Variants in PPP2R2D observed in about 807,000 individuals in gnomAD.
PPP2R2D encodes the protein serine/threonine-protein phosphatase 2A 55 kDa regulatory subunit B delta isoform.
PPP2R2D carries 9 observed loss-of-function variants against 31.1 expected under a neutral mutation model. The ratio of observed to expected loss-of-function variants is 0.29; its 90% CI spans 0.17 to 0.51. The LOEUF is 0.51. PPP2R2D is among the 20% of genes least tolerant of loss of function. PPP2R2D has a pLI of 0.98. For synonymous variants in PPP2R2D, 179 were observed against 172.6 expected (o/e 1.04, Z -0.29); for missense variants, 391 against 465.6 (o/e 0.84, Z 1.48).
At chr10:131,922,248 C>T (rs1473997606) in intron 2 of PPP2R2D, among the ~76,000 whole-genome samples, 3 of 152,092 alleles carry the variant, frequency 2.0e-5, no homozygotes, top group Non-Finnish European at 4.4e-5. Context: ...ACTGTGAGAA[C>T]TAAAGTGGCC....
At chr10:131,904,712 C>T (rs2035555081) in intron 2 of PPP2R2D, among the ~76,000 whole-genome samples, 1 of 152,202 alleles carries the variant, frequency 6.6e-6, no homozygotes, top group Non-Finnish European at 1.5e-5. Context: ...TTTCTGCCCT[C>T]TCTGCAATGG....
chr10:131,903,233 A>G (rs1317621230), intron 2 of PPP2R2D, among the ~76,000 whole-genome samples: 1 of 152,096 alleles, frequency 6.6e-6, no homozygotes, highest in Non-Finnish European at 1.5e-5. Context: ...TTGGGAGGCC[A>G]AGGTGGACAG....
intron 2 of PPP2R2D, among the ~76,000 whole-genome samples, chr10:131,928,401 A>G (rs1381780165): frequency 3.3e-5 from 5 of 152,222 alleles, no homozygotes; most frequent in African/African-American, 1.2e-4. Context: ...CCTGCGGGAA[A>G]CTTTCACATC....
chr10:131,940,460 A>G (rs980004349), intron 4 of PPP2R2D, 122 bp from the exon 5 acceptor site: 13 of 613,122 alleles, frequency 2.1e-5, no homozygotes, highest in Non-Finnish European at 3.5e-5. Flanking sequence ...ATTCATGTTC[A>G]GAGACCCCAT....
Position 131,945,002 on chromosome 10 carries a change from A to G in PPP2R2D, c.656-293A>G, listed in dbSNP as rs567830291. On this transcript the variant is annotated intron_variant, in intron 6 of 8. Transcript: ENST00000455566. This position sits in a 1 kb window ranked among gnomAD's most constrained non-coding sequence, Gnocchi z 4.8. Reference sequence around the variant, plus strand: ...CTATTTATATGATTAAGTATGTACTATCTTGCTATTAAGGGCTTTCTGTAT... The same window carrying G: ...CTATTTATATGATTAAGTATGTACTGTCTTGCTATTAAGGGCTTTCTGTAT... Among the ~76,000 whole-genome samples, 24 of 152,272 alleles carry G rather than the reference A, an allele frequency of 1.6e-4. No homozygotes were observed. The highest frequency in any genetic ancestry group is 4.2e-4 in the South Asian group (2 of 4,812).
chr10:131,944,308 C>G (rs750571886), intron 6 of PPP2R2D, among the ~76,000 whole-genome samples, 163 bp downstream of exon 6: 1 of 152,126 alleles, frequency 6.6e-6, no homozygotes, highest in Non-Finnish European at 1.5e-5. Context: ...AATGTTTGTC[C>G]CTAAAAATAC....
rs1240588853 is a variant in PPP2R2D at position 131,952,622 on chromosome 10, C to CG, written c.1083-3056dup. ...ACTGTCTTAGTGACTTGCGGGTGTG[C>CG]GGGGGGTTCACTGTCTTAGTGACTT... On this transcript the variant is annotated intron_variant, in intron 8 of 8. Coordinates refer to ENST00000455566, the MANE Select transcript of PPP2R2D (RefSeq NM_018461.5). 1.5e-3 allele frequency among the ~76,000 whole-genome samples: 22 copies of CG among 14,846 alleles called. 2 individuals are homozygous for CG. The highest frequency in any genetic ancestry group is 4.7e-3 in the Admixed American group (4 of 846). The allele number at this position is 14,846 out of a possible 152,430, so 9.7% of individuals were successfully genotyped here.
rs2036824813 is a variant in PPP2R2D at position 131,957,528 on chromosome 10, GT to G, written c.*1566del. 5.2e-6 allele frequency: 1 copy of G among 192,938 alleles called. No homozygotes were observed. Among genetic ancestry groups the G allele is most frequent in the African/African-American group, 2.4e-5 (1 of 41,332 alleles). The allele number at this position is 192,938 out of a possible 1,614,324, so 12.0% of individuals were successfully genotyped here. ...CCCCCGTCCCCCTGTGGAGATGAAG[GT>G]GTGTGCTGATCCCCCGTGCCCCTGT... On this transcript the variant is annotated 3_prime_UTR_variant, in exon 9 of 9. Coordinates refer to ENST00000455566, the MANE Select transcript of PPP2R2D (RefSeq NM_018461.5).
chr10:131,971,241 G>C, the PPP2R2D span: 16 of 462,278 alleles, frequency 3.5e-5, no homozygotes, highest in East Asian at 6.9e-4. Flanking sequence ...TTGGTTCACT[G>C]TGAGATTCTG....
chr10:131,912,011 G>A (rs2035692806), intron 2 of PPP2R2D: 1 of 152,164 alleles, frequency 6.6e-6, no homozygotes, highest in Non-Finnish European at 1.5e-5. Context: ...GTCTTCCTCA[G>A]GACCCACTGC....
chr10:131,941,638 C>T (rs1433872644), intron 5 of PPP2R2D, among the ~76,000 whole-genome samples: 1 of 152,180 alleles, frequency 6.6e-6, no homozygotes, highest in Non-Finnish European at 1.5e-5. Context: ...CAAGTGAAGA[C>T]TGAGTGAGTG....
At chr10:131,966,119 T>A in the PPP2R2D span, among the ~76,000 whole-genome samples, 1 of 152,234 alleles carries the variant, frequency 6.6e-6, no homozygotes, top group Non-Finnish European at 1.5e-5. Context: ...GATGCATGGC[T>A]GGAGTTTTTT....
chr10:131,920,332 GAC>G (rs1564813342), intron 2 of PPP2R2D, among the ~76,000 whole-genome samples: 1 of 148,710 alleles, frequency 6.7e-6, no homozygotes, highest in African/African-American at 2.5e-5. Flanking sequence ...CGGGTGGAGT[GAC>G]ACAGTGTAGG....
At chr10:131,902,707 G>A (rs1411641014) in intron 2 of PPP2R2D, among the ~76,000 whole-genome samples, 2 of 152,202 alleles carry the variant, frequency 1.3e-5, no homozygotes, top group East Asian at 3.8e-4. Context: ...TTTGGGAGTA[G>A]GAAAGTGAGA....
At chr10:131,918,697 G>T (rs1206207381) in intron 2 of PPP2R2D, among the ~76,000 whole-genome samples, 1 of 150,010 alleles carries the variant, frequency 6.7e-6, no homozygotes, top group African/African-American at 2.5e-5. Flanking sequence ...CCTCACGCGG[G>T]TGGAATGACA....
At chr10:131,917,513 A>G (rs2035833302) in intron 2 of PPP2R2D, among the ~76,000 whole-genome samples, 1 of 116,288 alleles carries the variant, frequency 8.6e-6, no homozygotes, top group South Asian at 3.3e-4. Flanking sequence ...ATGGAATGAC[A>G]CAGTGTTTGT....
chr10:131,964,236 G>A (rs2036953165), downstream of PPP2R2D, among the ~76,000 whole-genome samples: 1 of 152,124 alleles, frequency 6.6e-6, no homozygotes. Flanking sequence ...ATCTTGCGGG[G>A]ACACAATGAG....
At chr10:131,946,576 G>T (rs781820348) in intron 7 of PPP2R2D, among the ~76,000 whole-genome samples, 19 of 152,188 alleles carry the variant, frequency 1.2e-4, no homozygotes, top group Non-Finnish European at 2.5e-4. Context: ...TGAGTGTTTC[G>T]TAGCATTTGG....
In PPP2R2D at chr10:131,947,211, C is replaced by T. The variant is rs1422368585; in HGVS notation, c.821-319C>T. 6.6e-6 allele frequency among the ~76,000 whole-genome samples: 1 copy of T among 152,114 alleles called. No homozygotes were observed. The highest frequency in any genetic ancestry group is 1.5e-5 in the Non-Finnish European group (1 of 68,018). On this transcript the variant is annotated intron_variant, in intron 7 of 8. Transcript: ENST00000455566. This position sits in a 1 kb window ranked among gnomAD's most constrained non-coding sequence, Gnocchi z 4.3. Reference sequence around the variant, plus strand: ...AACCTGGGCACACATCAGGATGCCCCGAGGAGCTCCCACAGATGGCAGTGC... The same window carrying T: ...AACCTGGGCACACATCAGGATGCCCTGAGGAGCTCCCACAGATGGCAGTGC...
Sources: allele counts gnomAD v4.1 joint callset (sites outside exome capture counted in the v4.1 genomes callset), GRCh38; gene constraint gnomAD v4.1.1; non-coding constraint Gnocchi (gnomAD v3.1); transcripts MANE v1.5; gene names NCBI Gene and HGNC (gene_info 2026-07-23, HGNC 2026-07-21).